Variants in DPP4 observed in about 807,000 individuals in gnomAD.
DPP4 encodes the protein dipeptidyl peptidase 4, also known as ADCP-2.
In DPP4, 93 loss-of-function variants were observed where a neutral mutation model predicts 122.4. The ratio of observed to expected loss-of-function variants is 0.76; its 90% confidence interval spans 0.64 to 0.90. DPP4 has a LOEUF of 0.90. Ranked by LOEUF, DPP4 falls within the 40% of genes least tolerant of loss-of-function variation. DPP4 has a pLI of 0.00. For missense variants in DPP4, 914 were observed against 907.3 expected (o/e 1.01, Z -0.09); for synonymous variants, 321 against 302.9 (o/e 1.06, Z -0.62).
At chr2:162,059,183 T>C (rs998392116) in intron 2 of DPP4, among the ~76,000 whole-genome samples, 2 of 152,216 alleles carry the variant, frequency 1.3e-5, no homozygotes, top group African/African-American at 4.8e-5. Context: ...CAGGAAGCTC[T>C]ACACACACAG....
At chr2:162,009,441 T>A in intron 20 of DPP4, 146 bp from the exon 21 acceptor site, 1 of 648,350 alleles carries the variant, frequency 1.5e-6, no homozygotes, top group Non-Finnish European at 2.7e-6. Context: ...AATAAACACC[T>A]GAGATAAATA....
At chr2:162,005,569 A>T in intron 23 of DPP4, 176 bp downstream of exon 23, 1 of 558,432 alleles carries the variant, frequency 1.8e-6, no homozygotes, top group Non-Finnish European at 3.1e-6. Context: ...GACTGTAATT[A>T]TGCAGAATAC....
chr2:162,010,217 T>A (rs1192922491), intron 20 of DPP4, among the ~76,000 whole-genome samples: 1 of 152,216 alleles, frequency 6.6e-6, no homozygotes, highest in South Asian at 2.1e-4. Flanking sequence ...AACAGATCAT[T>A]CATGTATAAT....
rs565955588 is a variant in DPP4 at position 162,071,469 on chromosome 2, C to T, written c.94+1930G>A. Among the ~76,000 whole-genome samples, 14 of 152,218 alleles carry T rather than the reference C, an allele frequency of 9.2e-5. No individual in the cohort carries two copies. The East Asian group carries it at 1.9e-3, about 21-fold the overall frequency. ...CCATCCTGGCCAACATGGTAAAACC[C>T]CATCTATACTAAAATACAAAAAATT... On this transcript the variant is annotated intron_variant, in intron 2 of 25. Transcript: ENST00000360534.
At chr2:162,053,432 A>C (rs930519314) in intron 2 of DPP4, among the ~76,000 whole-genome samples, 1 of 152,238 alleles carries the variant, frequency 6.6e-6, no homozygotes, top group African/African-American at 2.4e-5. Context: ...AACTTTAAAA[A>C]AAAAAAACAA....
intron 2 of DPP4, among the ~76,000 whole-genome samples, chr2:162,047,975 C>A (rs894440171): frequency 6.6e-6 from 1 of 152,096 alleles, no homozygotes; most frequent in African/African-American, 2.4e-5. Flanking sequence ...GTAGTTTATA[C>A]TTACAGCATA....
Position 162,074,207 on chromosome 2 carries a change from C to G in DPP4, c.-226G>C. 1 of 1,224,882 alleles carries G rather than the reference C, an allele frequency of 8.2e-7. No homozygotes were observed. Among genetic ancestry groups the G allele is most frequent in the Non-Finnish European group, 1.0e-6 (1 of 984,178 alleles). 75.9% of individuals were successfully genotyped at this position (1,224,882 alleles called of 1,614,324 possible). On this transcript the variant is annotated 5_prime_UTR_variant, in exon 1 of 26. Transcript: ENST00000360534. The stretch of plus-strand genomic sequence containing the variant: ...GGCGCGGGAGCAGGCGCGCGTGGCG[C>G]GGGGCACTGGCATCCCGGCCGGGGG...
At chr2:162,052,813 T>C (rs1041211490) in intron 2 of DPP4, among the ~76,000 whole-genome samples, 1 of 152,152 alleles carries the variant, frequency 6.6e-6, no homozygotes, top group Non-Finnish European at 1.5e-5. Flanking sequence ...GTGATTGTGA[T>C]CAGAATGCTG....
chr2:162,038,231 T>C, intron 8 of DPP4, 71 bp downstream of exon 8: 2 of 1,387,776 alleles, frequency 1.4e-6, no homozygotes, highest in Non-Finnish European at 1.9e-6. Context: ...ATTTTCCCAT[T>C]GCAAAAGAAA....
rs925768230 is a variant in DPP4 at position 162,038,201 on chromosome 2, T to A, written c.613+101A>T. Reference sequence around the variant, plus strand: ...CTGATGACATTTTAAACAATGAAACTTTTTTTCAATCTCATTTAAATTTTC... The same window carrying A: ...CTGATGACATTTTAAACAATGAAACATTTTTTCAATCTCATTTAAATTTTC... On this transcript the variant is annotated intron_variant, in intron 8 of 25. Coordinates refer to ENST00000360534, the MANE Select transcript of DPP4 (RefSeq NM_001935.4). The A allele has an allele frequency of 3.4e-6, 4 of 1,176,922 alleles. No homozygotes were observed. The African/African-American group carries it at 6.4e-5, about 19-fold the overall frequency. The allele number at this position is 1,176,922 out of a possible 1,614,324, so 72.9% of individuals were successfully genotyped here.
Position 162,017,118 on chromosome 2 carries a change from C to G in DPP4, c.1458G>C (p.Val486=). ...AATATGAGAAAATACCTTTATCATT[C>G]ACGCTGCTGTGTAGAGTATAGAGGG... ...GLPLYTLHSS[V]NDKGLRVLED... Residue 486 remains valine, a synonymous_variant, in exon 17 of 26, where the codon GTG becomes GTC. Coordinates refer to ENST00000360534, the MANE Select transcript of DPP4 (RefSeq NM_001935.4). 6.2e-7 allele frequency: 1 copy of G among 1,612,112 alleles called. No homozygotes were observed. The highest frequency in any genetic ancestry group is 8.5e-7 in the Non-Finnish European group (1 of 1,179,730).
At chr2:162,016,690 AT>A in intron 18 of DPP4, 77 bp downstream of exon 18, 1 of 911,116 alleles carries the variant, frequency 1.1e-6, no homozygotes, top group Non-Finnish European at 1.6e-6. Context: ...TGAAATACAT[AT>A]TTTCAGATCG....
intron 2 of DPP4, among the ~76,000 whole-genome samples, chr2:162,053,150 A>C (rs182926848): frequency 3.9e-4 from 59 of 152,372 alleles, no homozygotes; most frequent in African/African-American, 1.4e-3. Flanking sequence ...AAAGACTAAA[A>C]GGCAAGTTCA....
chr2:162,019,257 A>G lies in DPP4; in HGVS notation c.1264T>C (p.Tyr422His), dbSNP rs201969016. Residue 422 changes from tyrosine to histidine, a missense_variant, in exon 15 of 26, where the codon TAT (tyrosine) becomes CAT (histidine). By Grantham distance (83) the Tyr-to-His change is moderately conservative. Coordinates refer to ENST00000360534, the MANE Select transcript of DPP4 (RefSeq NM_001935.4). ...TTCCTTCCTCCTGGCATTCCTTTAT[A>G]TTCATTACTAATGTAGTATCTAGGA... ...SDYLYYISNE[Y>H]KGMPGGRNLY... 1.3e-6 allele frequency: 2 copies of G among 1,584,240 alleles called. No homozygotes were observed. Among genetic ancestry groups the G allele is most frequent in the East Asian group, 4.5e-5 (2 of 44,618 alleles).
intron 2 of DPP4, among the ~76,000 whole-genome samples, chr2:162,063,576 G>A (rs1476882935): frequency 6.6e-6 from 1 of 151,974 alleles, no homozygotes; most frequent in Admixed American, 6.6e-5. Flanking sequence ...GGGAGGTGGA[G>A]AAGAAGGATG....
rs1491588211 is a variant in DPP4, at chr2:162,033,893, T to TATATATATAC, written c.775-241_775-240insGTATATATAT. Among the ~76,000 whole-genome samples, 490 of 138,456 alleles carry TATATATATAC rather than the reference T, an allele frequency of 3.5e-3. 5 individuals carry two copies. Among genetic ancestry groups the TATATATATAC allele is most frequent in the African/African-American group, 0.011 (408 of 36,178 alleles). 90.8% of individuals were successfully genotyped at this position (138,456 alleles called of 152,430 possible). On this transcript the variant is annotated intron_variant, in intron 9 of 25. Coordinates refer to ENST00000360534, the MANE Select transcript of DPP4 (RefSeq NM_001935.4). ...ATATATATATATATATATATATATA[T>TATATATATAC]ACACACTATATAAAACTTGAAGGTC...
intron 9 of DPP4, among the ~76,000 whole-genome samples, chr2:162,034,235 A>G (rs544025645): frequency 2.6e-5 from 4 of 152,272 alleles, no homozygotes; most frequent in Admixed American, 1.3e-4. Context: ...TTTTAAATAT[A>G]CACATAGATC....
Position 161,993,321 on chromosome 2 carries a change from T to A in DPP4, c.2263A>T (p.Met755Leu). 6.2e-7 allele frequency: 1 copy of A among 1,613,830 alleles called. No homozygotes were observed. Among genetic ancestry groups the A allele is most frequent in the Non-Finnish European group, 8.5e-7 (1 of 1,179,780 alleles). The change falls in exon 26 of 26, where the codon ATG becomes TTG. Residue 755 changes from methionine (M) to leucine (L), a missense_variant. Coordinates refer to ENST00000360534, the MANE Select transcript of DPP4 (RefSeq NM_001935.4). ...STAHQHIYTH[M>L]SHFIKQCFSL... ...AAACATTGTTTTATGAAGTGGCTCATGTGGGTATATATATGTTGGTGTGCT... is the reference window on the plus strand; with the variant it reads ...AAACATTGTTTTATGAAGTGGCTCAAGTGGGTATATATATGTTGGTGTGCT...
At chr2:162,030,880 C>T (rs1683526303) in intron 10 of DPP4, among the ~76,000 whole-genome samples, 1 of 152,190 alleles carries the variant, frequency 6.6e-6, no homozygotes, top group South Asian at 2.1e-4. Flanking sequence ...TTAAGTGTGA[C>T]TTAAAGAACT....
Sources: gnomAD v4.1 joint callset for allele counts (sites outside exome capture counted in the v4.1 genomes callset) on GRCh38, gnomAD v4.1.1 for gene constraint, MANE v1.5 for transcripts, NCBI Gene and HGNC (gene_info 2026-07-23, HGNC 2026-07-21) for gene names.